The following CTTNBP2 variants were observed in gnomAD, a reference collection of about 807,000 sequenced individuals.
The protein encoded by CTTNBP2 is cortactin-binding protein 2.
In CTTNBP2, 108 loss-of-function variants were observed where a neutral mutation model predicts 156.9. The ratio of observed to expected loss-of-function variants is 0.69; its 90% CI spans 0.59 to 0.81. CTTNBP2 has a LOEUF of 0.81. Ranked by LOEUF, CTTNBP2 falls within the 30% of genes least tolerant of loss-of-function variation. The pLI is 0.00. For synonymous variants in CTTNBP2, 767 were observed against 751.8 expected (o/e 1.02, Z -0.33); for missense variants, 1,924 against 2,035.4 (o/e 0.95, Z 1.05).
At position 117,842,359 on chromosome 7, in the gene CTTNBP2, T is replaced by C. The variant is rs956091717; in HGVS notation, c.189+18850A>G. On this transcript the variant is annotated intron_variant, in intron 2 of 22. Transcript: ENST00000160373. ...GGGATTACAGGCACCTGCCACCACA[T>C]CTGGCTAATTTTTTTGTATTTTTAG... Among the ~76,000 whole-genome samples, 8 of 151,954 alleles carry C rather than the reference T, an allele frequency of 5.3e-5. No individual in the cohort carries two copies. The South Asian group carries it at 1.5e-3, about 28-fold the overall frequency.
In CTTNBP2 at chr7:117,719,565, G is replaced by C. The variant is rs916985638; in HGVS notation, c.4583C>G (p.Ala1528Gly). The change falls in exon 21 of 23, where the codon GCA becomes GGA. Residue 1528 changes from alanine (A) to glycine (G), a missense_variant. By Grantham distance (60) the Ala-to-Gly change is moderately conservative (BLOSUM62 0). Coordinates refer to ENST00000160373, the MANE Select transcript of CTTNBP2 (RefSeq NM_033427.3). ...QRLSLGSDDEADLVKELQSMC... is the reference protein window; with the variant it reads ...QRLSLGSDDEGDLVKELQSMC... ...GCTCTGAAGTTCCTTGACAAGATCT[G>C]CTTCGTCATCTGAACCCAGAGAGAG... 6 of 1,613,720 alleles carry C rather than the reference G, an allele frequency of 3.7e-6. No individual in the cohort carries two copies. The highest frequency in any genetic ancestry group is 4.5e-5 in the East Asian group (2 of 44,864).
intron 7 of CTTNBP2, among the ~76,000 whole-genome samples, chr7:117,778,859 C>CCT (rs1233411171): frequency 2.0e-5 from 3 of 152,082 alleles, no homozygotes; most frequent in Non-Finnish European, 2.9e-5. Context: ...CCTTGACATA[C>CCT]CTTTTTCATG....
chr7:117,793,948 A>C (rs1799175786), intron 3 of CTTNBP2, among the ~76,000 whole-genome samples: 1 of 152,154 alleles, frequency 6.6e-6, no homozygotes, highest in Admixed American at 6.5e-5. Context: ...GGGAAATAAC[A>C]GTTGATAAAC....
At chr7:117,745,088 T>A (rs1301809131) in intron 14 of CTTNBP2, among the ~76,000 whole-genome samples, 15 of 152,252 alleles carry the variant, frequency 9.9e-5, no homozygotes, top group Admixed American at 9.8e-4. Context: ...TTCTACAGTA[T>A]GCAATGCAGG....
At chr7:117,826,894 C>T (rs2111208) in intron 2 of CTTNBP2, among the ~76,000 whole-genome samples, 10,374 of 149,466 alleles carry the variant, frequency 0.069, 407 homozygotes, top group South Asian at 0.11. Context: ...TGGAGTCTCA[C>T]TCTGCTGTCC....
At chr7:117,851,794 G>A (rs1802945649) in intron 2 of CTTNBP2, among the ~76,000 whole-genome samples, 1 of 152,144 alleles carries the variant, frequency 6.6e-6, no homozygotes, top group Non-Finnish European at 1.5e-5. Context: ...ATGATGGAAG[G>A]TTGCTTCTCA....
intron 22 of CTTNBP2, among the ~76,000 whole-genome samples, chr7:117,714,733 G>T (rs1394022561): frequency 6.6e-6 from 1 of 152,198 alleles, no homozygotes; most frequent in African/African-American, 2.4e-5. Context: ...GAGTTAGGAT[G>T]AGAACATGGA....
intron 2 of CTTNBP2, among the ~76,000 whole-genome samples, chr7:117,817,506 C>T (rs1421671480): frequency 1.3e-5 from 2 of 149,696 alleles, no homozygotes; most frequent in Admixed American, 1.3e-4. Flanking sequence ...CTTTGGCTTT[C>T]CTTGTTTGAT....
chr7:117,808,783 G>T (rs1464511412), intron 3 of CTTNBP2, among the ~76,000 whole-genome samples: 1 of 152,098 alleles, frequency 6.6e-6, no homozygotes, highest in Non-Finnish European at 1.5e-5. Flanking sequence ...AAGACATTTG[G>T]TTAAAATATT....
At chr7:117,861,402 T>C in intron 1 of CTTNBP2, 86 bp from the exon 2 acceptor site, 1 of 923,408 alleles carries the variant, frequency 1.1e-6, no homozygotes, top group Non-Finnish European at 1.7e-6. Flanking sequence ...GAATCAGTTT[T>C]ATCCCAGTGG....
At chr7:117,856,145 C>T (rs1418230770) in intron 2 of CTTNBP2, among the ~76,000 whole-genome samples, 2 of 152,200 alleles carry the variant, frequency 1.3e-5, no homozygotes, top group South Asian at 2.1e-4. Flanking sequence ...ATTTTCCAGG[C>T]TCCTATGCAA....
intron 7 of CTTNBP2, among the ~76,000 whole-genome samples, chr7:117,779,729 CATATAT>C (rs145722031): frequency 2.0e-5 from 3 of 147,506 alleles, no homozygotes; most frequent in Non-Finnish European, 4.5e-5. Context: ...TACATCTCTG[CATATAT>C]ATATATATAT....
chr7:117,854,962 T>G (rs1164609088), intron 2 of CTTNBP2, among the ~76,000 whole-genome samples: 2 of 152,016 alleles, frequency 1.3e-5, no homozygotes, highest in African/African-American at 4.8e-5. Context: ...TTTTTGTACT[T>G]TTAGTAGAGA....
chr7:117,717,895 T>C (rs1198294883), intron 22 of CTTNBP2, 123 bp downstream of exon 22: 2 of 646,198 alleles, frequency 3.1e-6, no homozygotes, highest in African/African-American at 1.8e-5. Context: ...ACCTTTATCC[T>C]ATTTCTCAGT....
At chr7:117,837,315 C>G (rs1802016719) in intron 2 of CTTNBP2, among the ~76,000 whole-genome samples, 1 of 152,178 alleles carries the variant, frequency 6.6e-6, no homozygotes, top group East Asian at 1.9e-4. Context: ...CTAACATCCA[C>G]CAGCCTAATA....
chr7:117,813,785 A>G (rs556789761), intron 2 of CTTNBP2, among the ~76,000 whole-genome samples: 2 of 152,262 alleles, frequency 1.3e-5, no homozygotes, highest in East Asian at 1.9e-4. Flanking sequence ...AAGCAACTGG[A>G]TGAGGCAGGA....
At chr7:117,793,729 T>C (rs1285911354) in intron 3 of CTTNBP2, 1 of 152,240 alleles carries the variant, frequency 6.6e-6, no homozygotes, top group Non-Finnish European at 1.5e-5. Context: ...CACCAAGCCA[T>C]AGGCCCTTAG....
Position 117,791,398 on chromosome 7 carries a change from C to G in CTTNBP2, c.1798G>C (p.Glu600Gln). Reference sequence around the variant, plus strand: ...GAGGATGACTTAGGAAGGTTCTCCTCATTGATCACCCTGTTCCCTTGTGGC... The same window carrying G: ...GAGGATGACTTAGGAAGGTTCTCCTGATTGATCACCCTGTTCCCTTGTGGC... ...SLPQGNRVIN[E>Q]ENLPKSSSPQ... The change falls in exon 4 of 23, where the codon GAG (glutamate) becomes CAG (glutamine). Residue 600 changes from glutamate (E) to glutamine (Q), a missense_variant. Transcript: ENST00000160373. 6.2e-7 allele frequency: 1 copy of G among 1,614,160 alleles called. No individual in the cohort carries two copies.
At position 117,760,450 on chromosome 7, in the gene CTTNBP2, G is replaced by A. The variant is rs1039081678; in HGVS notation, c.3157C>T (p.Arg1053Ter). The change falls in exon 10 of 23, where the codon CGA (arginine) becomes TGA (stop). Residue 1053 changes from arginine to a stop codon, truncating the protein, a stop_gained. Coordinates refer to ENST00000160373, the MANE Select transcript of CTTNBP2 (RefSeq NM_033427.3). LOFTEE classifies it high-confidence loss of function. ...CTGCTGATACCTAGCGTGATGGATC[G>A]TATGCTTCTTGCACTGAGGCCGATG... ...SNIGLSARSI[R>*]SITLGNVPWS... is the part of the protein sequence containing the mutation. 1.2e-6 allele frequency: 2 copies of A among 1,613,786 alleles called. No individual in the cohort carries two copies. Among genetic ancestry groups the A allele is most frequent in the African/African-American group, 2.7e-5 (2 of 74,908 alleles).
Sources: gnomAD v4.1 joint callset for allele counts (sites outside exome capture counted in the v4.1 genomes callset) on GRCh38, gnomAD v4.1.1 for gene constraint, MANE v1.5 for transcripts, NCBI Gene and HGNC (gene_info 2026-07-23, HGNC 2026-07-21) for gene names.